Variants in UBAP2L observed in about 807,000 individuals in gnomAD.
The protein encoded by UBAP2L is ubiquitin associated protein 2 like.
Under a neutral mutation model 130.6 loss-of-function variants are expected in UBAP2L, and 12 were observed. The ratio of observed to expected loss-of-function variants is 0.09; its 90% CI spans 0.06 to 0.15. The LOEUF (loss-of-function observed/expected upper bound fraction) is 0.15. Ranked by LOEUF, UBAP2L falls within the 10% of genes least tolerant of loss-of-function variation. The pLI is 1.00. For synonymous variants in UBAP2L, 503 were observed against 524.7 expected (o/e 0.96, Z 0.57); for missense variants, 965 against 1,332.5 (o/e 0.72, Z 4.29).
rs1186590649 is a variant in UBAP2L at position 154,249,457 on chromosome 1, C to G, written c.1213+20C>G. On this transcript the variant is annotated intron_variant, in intron 12 of 26. Coordinates refer to ENST00000428931, the MANE Select transcript of UBAP2L (RefSeq NM_014847.4). ...AGTATGGTGAGAAGATGGAAAGTGACTTGAATCTTTAAAGCATTGGAGCAT... is the reference window on the plus strand; with the variant it reads ...AGTATGGTGAGAAGATGGAAAGTGAGTTGAATCTTTAAAGCATTGGAGCAT... The G allele has an allele frequency of 3.1e-6, 5 of 1,613,552 alleles. No homozygotes were observed. The East Asian group carries it at 1.1e-4, about 36-fold the overall frequency.
At chr1:154,229,175 G>C (rs552754836) in intron 4 of UBAP2L, among the ~76,000 whole-genome samples, 1 of 151,526 alleles carries the variant, frequency 6.6e-6, no homozygotes, top group South Asian at 2.1e-4. Flanking sequence ...CTCAATATCA[G>C]CTTCGCATTG....
intron 24 of UBAP2L, chr1:154,263,046 C>A: frequency 6.5e-7 from 1 of 1,532,194 alleles, no homozygotes; most frequent in Non-Finnish European, 8.8e-7. Context: ...GTTCCCAACC[C>A]CACAAAGGGC....
chr1:154,260,145 C>T, intron 22 of UBAP2L, 116 bp downstream of exon 22: 1 of 1,155,362 alleles, frequency 8.7e-7, no homozygotes, highest in Non-Finnish European at 1.3e-6. Flanking sequence ...GATTCAAAAT[C>T]CTGCTAAAGT....
At position 154,220,962 on chromosome 1, in the gene UBAP2L, T is replaced by G; in HGVS notation, c.-54T>G. On this transcript the variant is annotated 5_prime_UTR_variant, in exon 1 of 27. Transcript: ENST00000428931. ...GGCGGCGCGGCCCGGGGTGTCAGTG[T>G]GGAGGAGACTGAGGTAAAGTTGGGA... The G allele has an allele frequency of 5.3e-6, 1 of 187,754 alleles. No individual in the cohort carries two copies. Among genetic ancestry groups the G allele is most frequent in the Non-Finnish European group, 1.1e-5 (1 of 88,234 alleles). 11.6% of individuals were successfully genotyped at this position (187,754 alleles called of 1,614,324 possible). A position where few individuals can be genotyped will look rare whatever the true frequency, so the allele number is the denominator to read the frequency against.
At chr1:154,226,885 C>A (rs770815828) in intron 2 of UBAP2L, among the ~76,000 whole-genome samples, 2 of 152,034 alleles carry the variant, frequency 1.3e-5, no homozygotes, top group Non-Finnish European at 2.9e-5. Context: ...TGCAGTGCCA[C>A]TATCTCAGTT....
chr1:154,267,151 G>GTTTTT (rs36051247), intron 25 of UBAP2L, among the ~76,000 whole-genome samples: 13 of 108,626 alleles, frequency 1.2e-4, no homozygotes, highest in South Asian at 3.1e-4. Flanking sequence ...TATCCAACGA[G>GTTTTT]TTTTTTTTTT....
intron 8 of UBAP2L, among the ~76,000 whole-genome samples, chr1:154,240,153 A>G (rs1366376159): frequency 6.6e-6 from 1 of 152,140 alleles, no homozygotes; most frequent in African/African-American, 2.4e-5. Context: ...GGAGGGAAGG[A>G]TTGAAGAGTT....
chr1:154,254,371 C>T (rs1295095933), intron 15 of UBAP2L, among the ~76,000 whole-genome samples: 2 of 152,166 alleles, frequency 1.3e-5, no homozygotes, highest in Non-Finnish European at 2.9e-5. Context: ...GATGTGATTG[C>T]CAGATTTCTG....
intron 12 of UBAP2L, among the ~76,000 whole-genome samples, chr1:154,249,826 C>T: frequency 7.0e-6 from 1 of 142,054 alleles, no homozygotes; most frequent in Non-Finnish European, 1.5e-5. Flanking sequence ...TGGTCCCAGC[C>T]CCTAGTGAGG....
intron 7 of UBAP2L, 87 bp downstream of exon 7, chr1:154,236,698 T>C: frequency 1.4e-6 from 2 of 1,428,802 alleles, no homozygotes; most frequent in African/African-American, 1.4e-5. Flanking sequence ...GAATGATTTC[T>C]AGACTGGTCA....
At chr1:154,269,025 C>T in intron 26 of UBAP2L, 71 bp downstream of exon 26, 2 of 1,554,970 alleles carry the variant, frequency 1.3e-6, no homozygotes, top group Non-Finnish European at 8.8e-7. Flanking sequence ...CTTCCCTTTC[C>T]TTTTCTTACC....
At chr1:154,222,229 G>T (rs974608539) in intron 1 of UBAP2L, among the ~76,000 whole-genome samples, 2 of 152,148 alleles carry the variant, frequency 1.3e-5, no homozygotes, top group African/African-American at 4.8e-5. Context: ...TGACTTGCTG[G>T]GAGGTGATGG....
At chr1:154,223,449 C>T (rs921222711) in intron 1 of UBAP2L, among the ~76,000 whole-genome samples, 10 of 152,060 alleles carry the variant, frequency 6.6e-5, no homozygotes, top group African/African-American at 2.4e-4. Flanking sequence ...TAGTTTTCCT[C>T]TCGTCTTTAT....
intron 4 of UBAP2L, among the ~76,000 whole-genome samples, chr1:154,233,295 G>GT (rs900855261): frequency 6.6e-6 from 1 of 151,872 alleles, no homozygotes; most frequent in African/African-American, 2.4e-5. Context: ...AATTACAGGC[G>GT]TGAGTCACCG....
chr1:154,243,272 C>T lies in UBAP2L; in HGVS notation c.812C>T (p.Ala271Val), dbSNP rs1411666093. ...AATGTGTCTTCAGTGCCTCTGCCTG[C>T]GGAGAATGTGACAATCACTGCTGGT... ...ASNVSSVPLP[A>V]ENVTITAGQR... Residue 271 changes from alanine (A) to valine (V), a missense_variant, in exon 10 of 27, where the codon GCG (alanine) becomes GTG (valine). Transcript: ENST00000428931. The T allele has an allele frequency of 1.9e-6, 3 of 1,611,706 alleles. No individual in the cohort carries two copies. Among genetic ancestry groups the T allele is most frequent in the Non-Finnish European group, 2.5e-6 (3 of 1,178,258 alleles).
At chr1:154,247,943 T>G (rs1385638728) in intron 11 of UBAP2L, among the ~76,000 whole-genome samples, 1 of 151,710 alleles carries the variant, frequency 6.6e-6, no homozygotes, top group African/African-American at 2.4e-5. Flanking sequence ...CACTAGGTAA[T>G]TTTAATTGTT....
Position 154,234,581 on chromosome 1 carries a change from C to A in UBAP2L, c.280-10C>A. The A allele has an allele frequency of 6.2e-7, 1 of 1,613,384 alleles. No individual in the cohort carries two copies. The highest frequency in any genetic ancestry group is 8.5e-7 in the Non-Finnish European group (1 of 1,179,594). ...TATTGATTAGATATGAATGCTCTAC[C>A]CTTCTATAGCATTCCTGGGAGATGG... On this transcript the variant is annotated splice_polypyrimidine_tract_variant and intron_variant, in intron 4 of 26. Coordinates refer to ENST00000428931, the MANE Select transcript of UBAP2L (RefSeq NM_014847.4).
At chr1:154,255,379 T>C in intron 17 of UBAP2L, 53 bp downstream of exon 17, 2 of 1,591,130 alleles carry the variant, frequency 1.3e-6, no homozygotes, top group East Asian at 2.2e-5. Flanking sequence ...ATAACAGAGC[T>C]CTCTGGTCCT....
At chr1:154,254,706 T>C in intron 15 of UBAP2L, 130 bp from the exon 16 acceptor site, 1 of 1,000,412 alleles carries the variant, frequency 1.0e-6, no homozygotes, top group South Asian at 1.5e-5. Context: ...TTAATATTAA[T>C]CCTTTTGGTT....
Sources: allele counts gnomAD v4.1 joint callset (sites outside exome capture counted in the v4.1 genomes callset), GRCh38; gene constraint gnomAD v4.1.1; transcripts MANE v1.5; gene names NCBI Gene and HGNC (gene_info 2026-07-23, HGNC 2026-07-21).